SPATA16: variants seen among roughly 807,000 people sequenced by gnomAD.
SPATA16 encodes the protein spermatogenesis associated 16, also known as spermatogenesis-associated protein 16.
In SPATA16, 36 loss-of-function variants were observed where a neutral mutation model predicts 63.3. The ratio of observed to expected loss-of-function variants is 0.57; its 90% CI spans 0.44 to 0.75. The LOEUF (loss-of-function observed/expected upper bound fraction) is 0.75. Among genes scored for constraint, SPATA16 ranks in the 30% least tolerant of loss-of-function variants. The pLI is 0.00. For synonymous variants in SPATA16, 203 were observed against 216.7 expected (o/e 0.94, Z 0.56); for missense variants, 646 against 679.3 (o/e 0.95, Z 0.54).
intron 2 of SPATA16, among the ~76,000 whole-genome samples, chr3:173,109,414 A>T (rs1468408894): frequency 6.6e-6 from 1 of 152,202 alleles, no homozygotes; most frequent in Admixed American, 6.5e-5. Flanking sequence ...CCATGTGGAT[A>T]AAAAGCCTCA....
intron 6 of SPATA16, among the ~76,000 whole-genome samples, chr3:172,928,178 G>A (rs1205089988): frequency 6.6e-6 from 1 of 152,018 alleles, no homozygotes; most frequent in African/African-American, 2.4e-5. Flanking sequence ...CAAAGTGTTG[G>A]GATTATAGGC....
At chr3:173,085,205 G>T (rs1324413473) in intron 2 of SPATA16, among the ~76,000 whole-genome samples, 2 of 152,042 alleles carry the variant, frequency 1.3e-5, no homozygotes, top group African/African-American at 4.8e-5. Flanking sequence ...GTGGTTTGTA[G>T]TTCTCCTTGA....
intron 10 of SPATA16, among the ~76,000 whole-genome samples, chr3:172,908,670 A>T (rs1008448764): frequency 1.3e-5 from 2 of 152,178 alleles, no homozygotes; most frequent in African/African-American, 4.8e-5. Flanking sequence ...CCCTTTAACT[A>T]TGTGGAACTA....
intron 1 of SPATA16, among the ~76,000 whole-genome samples, chr3:173,125,089 C>A (rs1195142696): frequency 1.3e-5 from 2 of 152,176 alleles, no homozygotes; most frequent in East Asian, 3.8e-4. Context: ...ACCAGCGGGT[C>A]TCCTAATTCC....
intron 6 of SPATA16, among the ~76,000 whole-genome samples, chr3:172,943,009 T>G (rs1733191824): frequency 6.6e-6 from 1 of 152,156 alleles, no homozygotes; most frequent in East Asian, 1.9e-4. Flanking sequence ...TTTTCAAAAT[T>G]TTTAGGGCAC....
At chr3:172,896,948 T>C (rs564998043) in intron 10 of SPATA16, among the ~76,000 whole-genome samples, 1 of 152,238 alleles carries the variant, frequency 6.6e-6, no homozygotes, top group South Asian at 2.1e-4. Flanking sequence ...GTTTTTAATT[T>C]TGATGAAGTC....
intron 4 of SPATA16, among the ~76,000 whole-genome samples, chr3:173,014,916 G>T (rs536713006): frequency 6.6e-6 from 1 of 152,112 alleles, no homozygotes; most frequent in Non-Finnish European, 1.5e-5. Flanking sequence ...ACTGTAGTTC[G>T]CAGAACATAT....
At chr3:173,059,950 A>C (rs1736338935) in intron 2 of SPATA16, among the ~76,000 whole-genome samples, 1 of 150,198 alleles carries the variant, frequency 6.7e-6, no homozygotes, top group Non-Finnish European at 1.5e-5. Context: ...TCTGAGAATG[A>C]AGCTAATGTA....
intron 4 of SPATA16, among the ~76,000 whole-genome samples, chr3:173,013,945 G>T (rs969108312): frequency 5.9e-5 from 9 of 152,222 alleles, no homozygotes; most frequent in Non-Finnish European, 1.3e-4. Context: ...GGCTGTGCCT[G>T]TTGCTGCCTC....
At chr3:173,060,834 A>G (rs1736362116) in intron 2 of SPATA16, among the ~76,000 whole-genome samples, 1 of 152,174 alleles carries the variant, frequency 6.6e-6, no homozygotes, top group African/African-American at 2.4e-5. Flanking sequence ...CCTTTTCTTT[A>G]TGACTCTCAA....
rs141589817 is a variant in SPATA16, at chr3:173,003,966, G to A, written c.848+15520C>T. On this transcript the variant is annotated intron_variant, in intron 4 of 10. Transcript: ENST00000351008. Reference sequence around the variant, plus strand: ...GAAAGTCAAAGAGCTTAATTTACTTGCCCAAAGTCACACATAGGGTCATTT... The same window carrying A: ...GAAAGTCAAAGAGCTTAATTTACTTACCCAAAGTCACACATAGGGTCATTT... Among the ~76,000 whole-genome samples the A allele has an allele frequency of 2.6e-3, 395 of 152,226 alleles. 5 individuals carry two copies. Among genetic ancestry groups the A allele is most frequent in the South Asian group, 0.014 (68 of 4,826 alleles).
At chr3:172,905,129 G>A (rs1732205933) in intron 10 of SPATA16, among the ~76,000 whole-genome samples, 1 of 152,110 alleles carries the variant, frequency 6.6e-6, no homozygotes, top group Non-Finnish European at 1.5e-5. Context: ...GAACTGCTTA[G>A]TAGTGCTTGG....
chr3:173,051,786 G>A lies in SPATA16; in HGVS notation c.613-2692C>T, dbSNP rs545378148. Among the ~76,000 whole-genome samples, 15 of 151,398 alleles carry A rather than the reference G, an allele frequency of 9.9e-5. No homozygotes were observed. The South Asian group carries it at 2.9e-3, about 30-fold the overall frequency. ...ATCCTTGTTTCTCTCTGATGTGATG[G>A]TGTGGAAGAGCCTCTTTTTAGGCAC... On this transcript the variant is annotated intron_variant, in intron 2 of 10. Transcript: ENST00000351008.
chr3:173,060,934 T>C (rs982489328), intron 2 of SPATA16, among the ~76,000 whole-genome samples: 3 of 152,236 alleles, frequency 2.0e-5, no homozygotes, highest in African/African-American at 7.2e-5. Flanking sequence ...CAAAGGTCTA[T>C]CTTCGTATAA....
At chr3:173,138,075 G>A (rs1007748923) in intron 1 of SPATA16, among the ~76,000 whole-genome samples, 6 of 151,994 alleles carry the variant, frequency 3.9e-5, no homozygotes, top group Non-Finnish European at 7.4e-5. Flanking sequence ...TTTCTAACAA[G>A]TTAAATGCAT....
At chr3:173,106,051 C>T (rs950319991) in intron 2 of SPATA16, among the ~76,000 whole-genome samples, 2 of 152,022 alleles carry the variant, frequency 1.3e-5, no homozygotes, top group Non-Finnish European at 2.9e-5. Context: ...ATTTTACAAC[C>T]CAGCAATAGG....
intron 2 of SPATA16, among the ~76,000 whole-genome samples, chr3:173,095,056 T>C (rs1180649094): frequency 6.6e-6 from 1 of 152,186 alleles, no homozygotes; most frequent in East Asian, 1.9e-4. Flanking sequence ...ACTACATATT[T>C]GGAAACAGAT....
chr3:172,930,654 G>A lies in SPATA16; in HGVS notation c.1082-5162C>T, dbSNP rs150949239. ...GCTCCCTGCAAGCTCCACCTCCTGG[G>A]TTCACACCATTCTCCTGCCTCAGCC... On this transcript the variant is annotated intron_variant, in intron 6 of 10. Coordinates refer to ENST00000351008, the MANE Select transcript of SPATA16 (RefSeq NM_031955.6). Among the ~76,000 whole-genome samples the A allele has an allele frequency of 7.2e-3, 1,072 of 148,842 alleles. 2 individuals carry two copies. The highest frequency in any genetic ancestry group is 0.011 in the Non-Finnish European group (735 of 67,528).
intron 8 of SPATA16, among the ~76,000 whole-genome samples, chr3:172,917,156 T>C: frequency 6.6e-6 from 1 of 152,190 alleles, no homozygotes; most frequent in East Asian, 1.9e-4. Context: ...TTTGTTAAGA[T>C]GGGGCGCATT....
Sources: gnomAD v4.1 joint callset for allele counts (sites outside exome capture counted in the v4.1 genomes callset) on GRCh38, gnomAD v4.1.1 for gene constraint, MANE v1.5 for transcripts, NCBI Gene and HGNC (gene_info 2026-07-23, HGNC 2026-07-21) for gene names.